The following SLC4A1 variants were observed in gnomAD, a reference collection of about 807,000 sequenced individuals.
The protein encoded by SLC4A1 is solute carrier family 4 member 1 (Diego blood group).
SLC4A1 carries 29 observed loss-of-function variants against 93.1 expected under a neutral mutation model. The ratio of observed to expected loss-of-function variants is 0.31; its 90% CI spans 0.23 to 0.42. SLC4A1 has a LOEUF of 0.42. SLC4A1 is among the 20% of genes least tolerant of loss of function. The pLI, the probability that SLC4A1 is intolerant of heterozygous loss-of-function variation, is 1.00. For missense variants in SLC4A1, 965 were observed against 1,190.1 expected (o/e 0.81, Z 2.78); for synonymous variants, 469 against 497.2 (o/e 0.94, Z 0.76).
In SLC4A1 at chr17:44,251,205, C is replaced by A. The variant is rs746426065; in HGVS notation, c.2609G>T (p.Arg870Leu). The change falls in exon 19 of 20, where the codon CGG becomes CTG. Residue 870 changes from arginine (R) to leucine (L), a missense_variant. Arg to Leu is a moderately radical substitution (Grantham distance 102, BLOSUM62 -2). This residue lies in a region of SLC4A1 where 770 missense variants were observed against 1,006.6 expected (regional missense o/e 0.76). Coordinates refer to ENST00000262418, the MANE Select transcript of SLC4A1 (RefSeq NM_000342.4). ...PFVLILTVPL[R>L]RVLLPLIFRN... is the part of the protein sequence containing the mutation. ...GAAGATGAGCGGCAGCAGGACGCGC[C>A]GCAGCGGCACAGTGAGGATGAGGAC... The A allele has an allele frequency of 1.9e-6, 3 of 1,613,336 alleles. No individual in the cohort carries two copies. The highest frequency in any genetic ancestry group is 1.7e-6 in the Non-Finnish European group (2 of 1,179,754).
chr17:44,257,239 G>A, intron 13 of SLC4A1, 111 bp downstream of exon 13: 1 of 1,021,770 alleles, frequency 9.8e-7, no homozygotes, highest in East Asian at 2.4e-5. Context: ...TGATCCACCT[G>A]CCTCGGCCTC....
At position 44,263,707 on chromosome 17, in the gene SLC4A1, C is replaced by CTCCTTCCTTCCTTCCT. The variant is rs111483250; in HGVS notation, c.-68-789_-68-774dup. Among the ~76,000 whole-genome samples, 307 of 140,390 alleles carry CTCCTTCCTTCCTTCCT rather than the reference C, an allele frequency of 2.2e-3. 1 individual carries two copies. The highest frequency in any genetic ancestry group is 3.9e-3 in the Admixed American group (55 of 14,188). 92.1% of individuals were successfully genotyped at this position (140,390 alleles called of 152,430 possible). A position where few individuals can be genotyped will look rare whatever the true frequency, so the allele number is the denominator to read the frequency against. On this transcript the variant is annotated intron_variant, in intron 1 of 19. Transcript: ENST00000262418. ...TTCCCTCCCTCCTTCCCTCCCTTCC[C>CTCCTTCCTTCCTTCCT]TCCTTCCTTCCTTCCTTCCTTCCTT... is the stretch of plus-strand genomic sequence containing the variant.
Position 44,255,191 on chromosome 17 carries a change from TG to T in SLC4A1, c.1890+15del. 6.5e-7 allele frequency: 1 copy of T among 1,538,898 alleles called. No individual in the cohort carries two copies. The highest frequency in any genetic ancestry group is 8.8e-7 in the Non-Finnish European group (1 of 1,137,084). ...CTGGGGGGTATCATGGTCTGAGGGCTGGGAGGAGGGGTCACCTGGGTGTAGG... is the reference window on the plus strand; with the variant it reads ...CTGGGGGGTATCATGGTCTGAGGGCTGGAGGAGGGGTCACCTGGGTGTAGG... On this transcript the variant is annotated intron_variant, in intron 15 of 19. Coordinates refer to ENST00000262418, the MANE Select transcript of SLC4A1 (RefSeq NM_000342.4).
At chr17:44,250,749 G>C (rs2047331213) in intron 19 of SLC4A1, among the ~76,000 whole-genome samples, 1 of 152,214 alleles carries the variant, frequency 6.6e-6, no homozygotes, top group Non-Finnish European at 1.5e-5. Flanking sequence ...ACCCTGGCAG[G>C]GGAGGGCCTG....
rs863225463 is a variant in SLC4A1 at position 44,253,369 on chromosome 17, A to G, written c.2060T>C (p.Leu687Pro). 1 of 1,609,124 alleles carries G rather than the reference A, an allele frequency of 6.2e-7. No individual in the cohort carries two copies. The highest frequency in any genetic ancestry group is 8.5e-7 in the Non-Finnish European group (1 of 1,176,224). ...LIFLESQITT[L>P]IVSKPERKMV... Reference sequence around the variant, plus strand: ...CTTGCGCTCAGGTTTGCTGACAATCAGCCTACGGTAGGGGAAGGTGAGGGG... The same window carrying G: ...CTTGCGCTCAGGTTTGCTGACAATCGGCCTACGGTAGGGGAAGGTGAGGGG... The change falls in exon 17 of 20, where the codon CTG (leucine) becomes CCG (proline). Residue 687 changes from leucine (L) to proline (P), a missense_variant and splice_region_variant. Leu to Pro is a moderately conservative substitution (Grantham distance 98, BLOSUM62 -3). Transcript: ENST00000262418.
In SLC4A1 at chr17:44,255,281, C is replaced by T. The variant is rs575655181; in HGVS notation, c.1816G>A (p.Gly606Arg). 9.6e-6 allele frequency: 15 copies of T among 1,555,818 alleles called. No individual in the cohort carries two copies. Among genetic ancestry groups the T allele is most frequent in the East Asian group, 4.8e-5 (2 of 41,960 alleles). Residue 606 changes from glycine (G) to arginine (R), a missense_variant, in exon 15 of 20, where the codon GGG becomes AGG. By Grantham distance (125) the Gly-to-Arg change is moderately radical. Transcript: ENST00000262418. ...ATGGAGATGGGGACCCCGAAGTCCCCGATGACCCGACGCAGCTGGGGGCAG... is the reference window on the plus strand; with the variant it reads ...ATGGAGATGGGGACCCCGAAGTCCCTGATGACCCGACGCAGCTGGGGGCAG... ...YFPGKLRRVI[G>R]DFGVPISILI...
intron 4 of SLC4A1, 126 bp from the exon 5 acceptor site, chr17:44,260,941 C>A: frequency 1.9e-6 from 2 of 1,032,200 alleles, no homozygotes; most frequent in Non-Finnish European, 2.9e-6. Context: ...TCCGTAGATA[C>A]GGCTCACACC....
rs745839527 is a variant in SLC4A1, at chr17:44,257,435, C to T, written c.1541G>A (p.Arg514His). Reference protein sequence around the residue: ...VVAFEGSFLVRFISRYTQEIF... With the variant: ...VVAFEGSFLVHFISRYTQEIF... ...CTCCTGGGTATAGCGGGAGATGAAG[C>T]GGACCAGGAAGCTACCCTCGAAGGC... is the stretch of plus-strand genomic sequence containing the variant. The change falls in exon 13 of 20, where the codon CGC becomes CAC. Residue 514 changes from arginine to histidine, a missense_variant. Coordinates refer to ENST00000262418, the MANE Select transcript of SLC4A1 (RefSeq NM_000342.4). 6.2e-6 allele frequency: 10 copies of T among 1,613,982 alleles called. No homozygotes were observed. In the East Asian group the frequency reaches 8.9e-5, roughly 14 times the overall value.
In SLC4A1 at chr17:44,255,655, C is replaced by T. The variant is rs1253143759; in HGVS notation, c.1800+18G>A. 1.5e-5 allele frequency: 24 copies of T among 1,612,360 alleles called. No homozygotes were observed. Among genetic ancestry groups the T allele is most frequent in the Admixed American group, 1.3e-4 (8 of 59,976 alleles). On this transcript the variant is annotated intron_variant, in intron 14 of 19. Transcript: ENST00000262418. ...ATAGGGCAGTGTTGGCAAGGACAGG[C>T]GAGGAGGGTATGCTGACCTTGCCAG...
rs2047385510 is a variant in SLC4A1 at position 44,255,980 on chromosome 17, C to T, written c.1627-134G>A. 4 of 843,956 alleles carry T rather than the reference C, an allele frequency of 4.7e-6. No homozygotes were observed. In the Admixed American group the frequency reaches 7.4e-5, roughly 16 times the overall value. The allele number at this position is 843,956 out of a possible 1,614,324, so 52.3% of individuals were successfully genotyped here. A position where few individuals can be genotyped will look rare whatever the true frequency, so the allele number is the denominator to read the frequency against. On this transcript the variant is annotated intron_variant, in intron 13 of 19. Transcript: ENST00000262418. ...TTAATTCATCATCCATCCATTTATC[C>T]ACCCATCCATCATTCATCTATCCAT...
At chr17:44,264,326 C>T (rs1035186972) in intron 1 of SLC4A1, among the ~76,000 whole-genome samples, 1 of 152,078 alleles carries the variant, frequency 6.6e-6, no homozygotes, top group Admixed American at 6.6e-5. Flanking sequence ...GGTGTGGTGA[C>T]GTATACCTGT....
At position 44,248,626 on chromosome 17, in the gene SLC4A1, C is replaced by T. The variant is rs886052988; in HGVS notation, c.*1832G>A. On this transcript the variant is annotated 3_prime_UTR_variant, in exon 20 of 20. Coordinates refer to ENST00000262418, the MANE Select transcript of SLC4A1 (RefSeq NM_000342.4). ...CTGTCTCCTTTAATCCTTATAACAA[C>T]ACTGCAAGGTAGGTACCATTATCAT... The T allele has an allele frequency of 6.5e-6, 1 of 152,742 alleles. No individual in the cohort carries two copies. The highest frequency in any genetic ancestry group is 2.4e-5 in the African/African-American group (1 of 41,410). The allele number at this position is 152,742 out of a possible 1,614,324, so 9.5% of individuals were successfully genotyped here. A position where few individuals can be genotyped will look rare whatever the true frequency, so the allele number is the denominator to read the frequency against.
chr17:44,254,807 A>C lies in SLC4A1; in HGVS notation c.1891-145T>G. Reference sequence around the variant, plus strand: ...TATATTGAGCACTTGCTCTGTACCTAATCATTACACTAATCCCTTTACATC... The same window carrying C: ...TATATTGAGCACTTGCTCTGTACCTCATCATTACACTAATCCCTTTACATC... On this transcript the variant is annotated intron_variant, in intron 15 of 19. Transcript: ENST00000262418. 4.5e-6 allele frequency: 3 copies of C among 668,714 alleles called. No homozygotes were observed. The Admixed American group carries it at 7.2e-5, about 16-fold the overall frequency. The allele number at this position is 668,714 out of a possible 1,614,324, so 41.4% of individuals were successfully genotyped here.
intron 1 of SLC4A1, among the ~76,000 whole-genome samples, chr17:44,265,607 G>A (rs1471394296): frequency 1.3e-5 from 2 of 152,012 alleles, no homozygotes; most frequent in Admixed American, 6.6e-5. Flanking sequence ...TCCTGACCTC[G>A]TGATCCACCC....
chr17:44,258,474 T>C lies in SLC4A1; in HGVS notation c.1026A>G (p.Leu342=). The C allele has an allele frequency of 6.2e-7, 1 of 1,613,854 alleles. No homozygotes were observed. Among genetic ancestry groups the C allele is most frequent in the East Asian group, 2.2e-5 (1 of 44,868 alleles). Residue 342 remains leucine (L), a synonymous_variant, in exon 10 of 20, where the codon CTA becomes CTG. Coordinates refer to ENST00000262418, the MANE Select transcript of SLC4A1 (RefSeq NM_000342.4). The surrounding 1 kb of genome is among the most constrained non-coding windows in gnomAD (Gnocchi z 6.1). ...LLSLVPVQRE[L]LRRRYQSSPA... ...GGCTGGACTGATAGCGCCTTCGAAG[T>C]AGCTCCCTCTGCACAGGCACCAGAC...
At position 44,254,542 on chromosome 17, in the gene SLC4A1, C is replaced by T; in HGVS notation, c.2011G>A (p.Ala671Thr). 6.2e-7 allele frequency: 1 copy of T among 1,614,070 alleles called. No homozygotes were observed. Residue 671 changes from alanine (A) to threonine (T), a missense_variant, in exon 16 of 20, where the codon GCT (alanine) becomes ACT (threonine). Coordinates refer to ENST00000262418, the MANE Select transcript of SLC4A1 (RefSeq NM_000342.4). ...AATATGAGGATGAAGACCAGCAGAG[C>T]AGGCAGGGCGGAGGCAAACATCATC... ...IWMMFASALP[A>T]LLVFILIFLE... is the part of the protein sequence containing the mutation.
intron 1 of SLC4A1, among the ~76,000 whole-genome samples, chr17:44,266,233 C>T (rs1269027977): frequency 1.3e-5 from 2 of 152,156 alleles, no homozygotes; most frequent in Admixed American, 6.5e-5. Flanking sequence ...TCTTCTCTCT[C>T]TTTTTCCTCC....
chr17:44,264,945 T>C (rs1218221897), intron 1 of SLC4A1, among the ~76,000 whole-genome samples: 1 of 148,020 alleles, frequency 6.8e-6, no homozygotes, highest in Non-Finnish European at 1.5e-5. Flanking sequence ...GTTCCCACTC[T>C]GTGCCTGGCA....
intron 17 of SLC4A1, among the ~76,000 whole-genome samples, chr17:44,252,226 T>G (rs1238794023): frequency 6.6e-6 from 1 of 151,982 alleles, no homozygotes; most frequent in East Asian, 1.9e-4. Flanking sequence ...CAGCTGATTT[T>G]GTAATTTTAG....
Sources: allele counts gnomAD v4.1 joint callset (sites outside exome capture counted in the v4.1 genomes callset), GRCh38; gene constraint gnomAD v4.1.1; regional missense constraint gnomAD v4.1.1; non-coding constraint Gnocchi (gnomAD v3.1); transcripts MANE v1.5; gene names NCBI Gene and HGNC (gene_info 2026-07-23, HGNC 2026-07-21).